The following ELOVL2 variants were observed in gnomAD, a reference collection of about 807,000 sequenced individuals.
ELOVL2 encodes the protein very long chain fatty acid elongase 2.
Under a neutral mutation model 37.7 loss-of-function variants are expected in ELOVL2, and 38 were observed. That is an observed-to-expected ratio of 1.01 (90% CI 0.78 to 1.32). The LOEUF is 1.32. ELOVL2 is among the 40% of genes most tolerant of loss of function. The pLI is 0.00. For synonymous variants in ELOVL2, 115 were observed against 122.3 expected (o/e 0.94, Z 0.40); for missense variants, 352 against 363.6 (o/e 0.97, Z 0.26).
In ELOVL2 at chr6:11,010,767, C is replaced by T. The variant is rs1460191654; in HGVS notation, c.46G>A (p.Asp16Asn). The T allele has an allele frequency of 5.6e-6, 9 of 1,612,046 alleles. No individual in the cohort carries two copies. Among genetic ancestry groups the T allele is most frequent in the Non-Finnish European group, 1.7e-6 (2 of 1,179,524 alleles). Residue 16 changes from aspartate to asparagine, a missense_variant, in exon 2 of 8, where the codon GAC (aspartate) becomes AAC (asparagine). By Grantham distance (23) the Asp-to-Asn change is conservative. Coordinates refer to ENST00000354666, the MANE Select transcript of ELOVL2 (RefSeq NM_017770.4). Reference sequence around the variant, plus strand: ...TGACCTCGCGGTCCAAACATATTGTCCAAAAAAGCATTGATTTCATCATCA... The same window carrying T: ...TGACCTCGCGGTCCAAACATATTGTTCAAAAAAGCATTGATTTCATCATCA... ...AFDDEINAFL[D>N]NMFGPRDSRV...
chr6:11,001,010 A>C (rs961336965), intron 3 of ELOVL2, among the ~76,000 whole-genome samples: 5 of 152,236 alleles, frequency 3.3e-5, no homozygotes, highest in African/African-American at 1.2e-4. Context: ...AAATTCTAGA[A>C]TATAAGGCAT....
intron 1 of ELOVL2, among the ~76,000 whole-genome samples, chr6:11,025,210 G>A (rs1182073465): frequency 2.6e-5 from 4 of 151,972 alleles, no homozygotes; most frequent in South Asian, 2.1e-4. Flanking sequence ...CCCTCCCCTC[G>A]GGTTCCCACT....
chr6:10,989,555 C>G (rs1054871465), intron 7 of ELOVL2, 148 bp downstream of exon 7: 16 of 691,992 alleles, frequency 2.3e-5, no homozygotes, highest in Non-Finnish European at 3.8e-5. Flanking sequence ...AGGAGAATCA[C>G]TTGAACCCAG....
At chr6:11,033,846 A>G (rs181340850) in intron 1 of ELOVL2, among the ~76,000 whole-genome samples, 5 of 151,786 alleles carry the variant, frequency 3.3e-5, no homozygotes, top group African/African-American at 1.2e-4. Context: ...ATACATGTGG[A>G]TTAATCAAGA....
chr6:10,985,673 T>G (rs1782038602), intron 7 of ELOVL2, among the ~76,000 whole-genome samples: 1 of 151,928 alleles, frequency 6.6e-6, no homozygotes, highest in Admixed American at 6.6e-5. Context: ...CGCAGCATTA[T>G]TTCTGAGGGC....
In ELOVL2 at chr6:11,028,174, A is replaced by G. The variant is rs191403970; in HGVS notation, c.3+16054T>C. Among the ~76,000 whole-genome samples the G allele has an allele frequency of 1.2e-4, 18 of 152,328 alleles. No homozygotes were observed. In the East Asian group the frequency reaches 3.3e-3, roughly 28 times the overall value. On this transcript the variant is annotated intron_variant, in intron 1 of 7. Transcript: ENST00000354666. Reference sequence around the variant, plus strand: ...CAATAGAGTTCCTCTATAACTATGTATAAGTTGCTTTGGTTATAGGATGTC... The same window carrying G: ...CAATAGAGTTCCTCTATAACTATGTGTAAGTTGCTTTGGTTATAGGATGTC...
chr6:11,034,024 C>G (rs570155416), intron 1 of ELOVL2, among the ~76,000 whole-genome samples: 3 of 152,180 alleles, frequency 2.0e-5, no homozygotes, highest in Admixed American at 6.5e-5. Flanking sequence ...TACTGATATT[C>G]AAATGACTAA....
intron 1 of ELOVL2, among the ~76,000 whole-genome samples, chr6:11,037,220 AG>A (rs2113567075): frequency 6.8e-6 from 1 of 146,336 alleles, no homozygotes; most frequent in African/African-American, 2.5e-5. Flanking sequence ...AGAGAGGCAG[AG>A]GAGGAGAGAG....
intron 5 of ELOVL2, among the ~76,000 whole-genome samples, chr6:10,992,261 C>T (rs911299310): frequency 6.6e-5 from 10 of 152,186 alleles, no homozygotes; most frequent in Non-Finnish European, 1.5e-4. Context: ...TATCTCTGGG[C>T]ACTTTTTTCC....
chr6:11,001,032 T>G (rs1351172854), intron 3 of ELOVL2, among the ~76,000 whole-genome samples: 3 of 152,174 alleles, frequency 2.0e-5, no homozygotes, highest in Admixed American at 2.0e-4. Flanking sequence ...TGGGATTGAT[T>G]TGGATCAGGT....
intron 1 of ELOVL2, among the ~76,000 whole-genome samples, chr6:11,026,982 TTA>T (rs1441420091): frequency 6.6e-6 from 1 of 152,228 alleles, no homozygotes; most frequent in Non-Finnish European, 1.5e-5. Context: ...CCTCACATCC[TTA>T]TCATTTTTTT....
chr6:10,983,774 C>G lies in ELOVL2; in HGVS notation c.*7G>C, dbSNP rs1350294773. The G allele has an allele frequency of 1.0e-5, 16 of 1,597,042 alleles. No individual in the cohort carries two copies. The highest frequency in any genetic ancestry group is 1.2e-5 in the Non-Finnish European group (14 of 1,174,070). ...GCTAGTATATGTGCTTTTTCTGTTA[C>G]TCATTTTTATTGTGCTTTCTTGTTC... On this transcript the variant is annotated 3_prime_UTR_variant, in exon 8 of 8. Coordinates refer to ENST00000354666, the MANE Select transcript of ELOVL2 (RefSeq NM_017770.4).
intron 3 of ELOVL2, among the ~76,000 whole-genome samples, chr6:11,003,998 G>A (rs944668759): frequency 1.3e-5 from 2 of 151,802 alleles, no homozygotes; most frequent in Admixed American, 1.3e-4. Flanking sequence ...CAAGACAATT[G>A]CTTGAACCCA....
intron 1 of ELOVL2, among the ~76,000 whole-genome samples, chr6:11,040,254 A>C (rs1783079583): frequency 6.6e-6 from 1 of 152,206 alleles, no homozygotes; most frequent in Non-Finnish European, 1.5e-5. Flanking sequence ...TTAAGGTGGC[A>C]GTGAGGTTCT....
chr6:11,020,558 G>A (rs1782751476), intron 1 of ELOVL2, among the ~76,000 whole-genome samples: 1 of 152,154 alleles, frequency 6.6e-6, no homozygotes, highest in Non-Finnish European at 1.5e-5. Context: ...GGGTACAAGA[G>A]GGTCCTTTAG....
intron 2 of ELOVL2, 115 bp from the exon 3 acceptor site, chr6:11,005,674 C>T: frequency 1.2e-6 from 1 of 845,278 alleles, no homozygotes; most frequent in Admixed American, 2.8e-5. Flanking sequence ...CAACTCCATA[C>T]AACATTAGGT....
intron 1 of ELOVL2, among the ~76,000 whole-genome samples, chr6:11,018,296 A>G (rs549909028): frequency 6.6e-6 from 1 of 152,334 alleles, no homozygotes; most frequent in South Asian, 2.1e-4. Flanking sequence ...ATCACTACTT[A>G]TCAATAATTC....
At chr6:11,003,563 C>T (rs188939801) in intron 3 of ELOVL2, among the ~76,000 whole-genome samples, 13 of 152,260 alleles carry the variant, frequency 8.5e-5, no homozygotes, top group African/African-American at 2.4e-4. Context: ...CATTGATGGG[C>T]GTTTGGGTTG....
intron 4 of ELOVL2, among the ~76,000 whole-genome samples, chr6:10,996,289 A>G (rs1177537335): frequency 1.3e-5 from 2 of 152,254 alleles, no homozygotes; most frequent in South Asian, 2.1e-4. Context: ...ACAAATAAAT[A>G]TAAAACAACC....
Sources: gnomAD v4.1 joint callset for allele counts (sites outside exome capture counted in the v4.1 genomes callset) on GRCh38, gnomAD v4.1.1 for gene constraint, MANE v1.5 for transcripts, NCBI Gene and HGNC (gene_info 2026-07-23, HGNC 2026-07-21) for gene names.